PCDHA12: variants seen among roughly 807,000 people sequenced by gnomAD.
The protein encoded by PCDHA12 is protocadherin alpha 12.
In PCDHA12, 44 loss-of-function variants were observed where a neutral mutation model predicts 60.0. The ratio of observed to expected loss-of-function variants is 0.73; its 90% CI spans 0.58 to 0.94. The LOEUF (loss-of-function observed/expected upper bound fraction) is 0.94. Ranked by LOEUF, PCDHA12 falls within the 40% of genes least tolerant of loss-of-function variation. The pLI is 0.00. For synonymous variants in PCDHA12, 569 were observed against 553.0 expected (o/e 1.03, Z -0.40); for missense variants, 1,276 against 1,239.7 (o/e 1.03, Z -0.44).
chr5:140,941,259 T>TTC (rs1340815463), intron 1 of PCDHA12, among the ~76,000 whole-genome samples: 28 of 121,830 alleles, frequency 2.3e-4, no homozygotes, highest in East Asian at 1.1e-3. Flanking sequence ...TTCTTTCTCT[T>TTC]TCTTTCTTTC....
rs1026092245 is a variant in PCDHA12 at position 140,987,228 on chromosome 5, T to A, written c.2515+4665T>A. On this transcript the variant is annotated intron_variant, in intron 3 of 3. Transcript: ENST00000398631. The stretch of plus-strand genomic sequence containing the variant: ...GACTCCATCTCAAAAAAAAAAAAAA[T>A]AATAAATAAAGAAAGAAAGACATTC... Among the ~76,000 whole-genome samples, 392 of 149,148 alleles carry A rather than the reference T, an allele frequency of 2.6e-3. 1 individual carries two copies. Among genetic ancestry groups the A allele is most frequent in the African/African-American group, 8.3e-3 (336 of 40,458 alleles).
chr5:140,939,729 G>A (rs1376988004), intron 1 of PCDHA12, among the ~76,000 whole-genome samples: 16 of 152,166 alleles, frequency 1.1e-4, no homozygotes, highest in Admixed American at 1.0e-3. Context: ...ATTGTTGTGT[G>A]TAGCTGTGTA....
At chr5:140,990,492 A>G (rs533006418) in intron 3 of PCDHA12, among the ~76,000 whole-genome samples, 1 of 152,308 alleles carries the variant, frequency 6.6e-6, no homozygotes, top group South Asian at 2.1e-4. Flanking sequence ...TAGTGAGGTG[A>G]CATTCCCCAA....
chr5:140,876,554 A>G lies in PCDHA12; in HGVS notation c.1082A>G (p.Glu361Gly), dbSNP rs2056417075. Residue 361 changes from glutamate (E) to glycine (G), a missense_variant, in exon 1 of 4, where the codon GAG (glutamate) becomes GGG (glycine). Transcript: ENST00000398631. ...ACTTCACTGTCGCTCCCTGTGCAAG[A>G]GGATGCTCAGGTGGGTACCGTCATT... ...MVTSLSLPVQ[E>G]DAQVGTVIAL... 6.2e-7 allele frequency: 1 copy of G among 1,614,052 alleles called. No homozygotes were observed. Among genetic ancestry groups the G allele is most frequent in the South Asian group, 1.1e-5 (1 of 91,076 alleles).
At chr5:140,912,897 G>T (rs782442093) in intron 1 of PCDHA12, among the ~76,000 whole-genome samples, 1 of 152,290 alleles carries the variant, frequency 6.6e-6, no homozygotes, top group East Asian at 1.9e-4. Context: ...TTGATATGAT[G>T]TATCATATTG....
chr5:140,954,297 C>G (rs1369831854), intron 1 of PCDHA12, among the ~76,000 whole-genome samples: 1 of 152,298 alleles, frequency 6.6e-6, no homozygotes, highest in African/African-American at 2.4e-5. Context: ...TGGGTACATA[C>G]CCAGTAATGG....
At chr5:140,970,791 T>A (rs2096434096) in intron 1 of PCDHA12, among the ~76,000 whole-genome samples, 2 of 152,210 alleles carry the variant, frequency 1.3e-5, no homozygotes, top group South Asian at 2.1e-4. Flanking sequence ...GTATGTAATA[T>A]CCATATTGTT....
In PCDHA12 at chr5:141,005,148, G is replaced by T. The variant is rs528805353; in HGVS notation, c.2516-4479G>T. The stretch of plus-strand genomic sequence containing the variant: ...AAGTGCCTCATTGGAGAGTTGTTTG[G>T]TCTGCTAAAGAGTGGGTACCACTTT... On this transcript the variant is annotated intron_variant, in intron 3 of 3. Transcript: ENST00000398631. 3.3e-5 allele frequency among the ~76,000 whole-genome samples: 5 copies of T among 152,328 alleles called. No individual in the cohort carries two copies. The South Asian group carries it at 1.0e-3, about 32-fold the overall frequency.
chr5:140,967,888 G>A, intron 1 of PCDHA12: 1 of 1,614,138 alleles, frequency 6.2e-7, no homozygotes, highest in South Asian at 1.1e-5. Context: ...ATAGCCCAGT[G>A]CCTGAGAATG....
At chr5:140,883,642 C>T (rs200197885) in intron 1 of PCDHA12, 1 of 1,613,904 alleles carries the variant, frequency 6.2e-7, no homozygotes, top group South Asian at 1.1e-5. Context: ...TCGCGCAGCC[C>T]GAGTACACGG....
chr5:140,999,934 T>C (rs1236304987), intron 3 of PCDHA12, among the ~76,000 whole-genome samples: 1 of 152,068 alleles, frequency 6.6e-6, no homozygotes, highest in Non-Finnish European at 1.5e-5. Context: ...GCTCAACTCA[T>C]TCCACCCAAA....
At chr5:140,982,380 C>A in intron 2 of PCDHA12, 95 bp from the exon 3 acceptor site, 1 of 1,577,206 alleles carries the variant, frequency 6.3e-7, no homozygotes, top group South Asian at 1.2e-5. Context: ...AGCTGCAGCC[C>A]TGGCTTCATA....
Position 140,876,855 on chromosome 5 carries a change from A to C in PCDHA12, c.1383A>C (p.Thr461=), listed in dbSNP as rs371246236. 4.3e-6 allele frequency: 7 copies of C among 1,613,934 alleles called. No homozygotes were observed. Among genetic ancestry groups the C allele is most frequent in the East Asian group, 2.2e-5 (1 of 44,868 alleles). The change falls in exon 1 of 4, where the codon ACA becomes ACC. Residue 461 remains threonine (T), a synonymous_variant. Transcript: ENST00000398631. ...CTGCGTTCGCGCAGCCCGAGTACAC[A>C]GTGTTCGTGAAGGAGAACAACCCGC... ...NAPAFAQPEY[T]VFVKENNPPG...
intron 1 of PCDHA12, among the ~76,000 whole-genome samples, chr5:140,957,038 C>A (rs534661886): frequency 2.0e-5 from 3 of 151,928 alleles, no homozygotes; most frequent in African/African-American, 7.3e-5. Context: ...TTATGGGAGT[C>A]ATATAAAATA....
At chr5:140,891,827 A>G (rs943963989) in intron 1 of PCDHA12, among the ~76,000 whole-genome samples, 1 of 152,212 alleles carries the variant, frequency 6.6e-6, no homozygotes, top group Non-Finnish European at 1.5e-5. Flanking sequence ...ACGGCACTGT[A>G]AAAGGACTTG....
intron 1 of PCDHA12, among the ~76,000 whole-genome samples, chr5:140,911,856 T>C (rs1252396387): frequency 6.6e-6 from 1 of 152,184 alleles, no homozygotes; most frequent in Non-Finnish European, 1.5e-5. Context: ...TCCTTAATAG[T>C]CTGTTCTTCT....
chr5:140,916,202 C>A lies in PCDHA12; in HGVS notation c.2367+38363C>A, dbSNP rs185433174. 8.0e-3 allele frequency among the ~76,000 whole-genome samples: 1,218 copies of A among 152,262 alleles called. 6 individuals carry two copies. Among genetic ancestry groups the A allele is most frequent in the African/African-American group, 0.019 (787 of 41,550 alleles). The stretch of plus-strand genomic sequence containing the variant: ...TTCAAGGAAGTGGGCACCCCTCTGC[C>A]CTGGGGAAGATCCAAATATGCTTTC... On this transcript the variant is annotated intron_variant, in intron 1 of 3. Coordinates refer to ENST00000398631, the MANE Select transcript of PCDHA12 (RefSeq NM_018903.4).
rs191365735 is a variant in PCDHA12 at position 140,910,066 on chromosome 5, C to T, written c.2367+32227C>T. Among the ~76,000 whole-genome samples the T allele has an allele frequency of 7.2e-5, 11 of 152,234 alleles. No individual in the cohort carries two copies. In the East Asian group the frequency reaches 1.5e-3, roughly 21 times the overall value. On this transcript the variant is annotated intron_variant, in intron 1 of 3. Coordinates refer to ENST00000398631, the MANE Select transcript of PCDHA12 (RefSeq NM_018903.4). ...GTCATAATAAGTGATCTTTTAACAG[C>T]GTAAATTGTTGTCAAGGGGAACCAG...
chr5:140,969,391 A>G, intron 1 of PCDHA12: 2 of 1,592,664 alleles, frequency 1.3e-6, no homozygotes, highest in South Asian at 2.3e-5. Flanking sequence ...ATCCCCCAAT[A>G]TCCTGTGATT....
Sources: allele counts gnomAD v4.1 joint callset (sites outside exome capture counted in the v4.1 genomes callset), GRCh38; gene constraint gnomAD v4.1.1; transcripts MANE v1.5; gene names NCBI Gene and HGNC (gene_info 2026-07-23, HGNC 2026-07-21).